INTS12: variants seen among roughly 807,000 people sequenced by gnomAD.
INTS12 encodes the protein PHD finger protein 22.
A neutral mutation model predicts 41.6 loss-of-function variants in INTS12; 13 were observed. The ratio of observed to expected loss-of-function variants is 0.31; its 90% CI spans 0.20 to 0.50. INTS12 has a LOEUF of 0.50. Ranked by LOEUF, INTS12 falls within the 20% of genes least tolerant of loss-of-function variation. INTS12 has a pLI of 0.98. For missense variants in INTS12, 432 were observed against 541.6 expected (o/e 0.80, Z 2.01); for synonymous variants, 199 against 191.4 (o/e 1.04, Z -0.33).
At chr4:105,698,235 C>A (rs759652939) in intron 3 of INTS12, among the ~76,000 whole-genome samples, 7 of 152,118 alleles carry the variant, frequency 4.6e-5, no homozygotes, top group Non-Finnish European at 1.0e-4. Flanking sequence ...GAATATCAAC[C>A]AATATTCATG....
In INTS12 at chr4:105,682,842, G is replaced by T. The variant is rs1407322384; in HGVS notation, c.1280C>A (p.Ser427Tyr). The stretch of plus-strand genomic sequence containing the variant: ...TGGGCCTTTAAGGGATGCTGAGGGA[G>T]AGCTGCTGGATTCTGAAGTAGTTTT... ...TSKTTSESSS[S>Y]PSASLKGPTS... The change falls in exon 8 of 8, where the codon TCT (serine) becomes TAT (tyrosine). Residue 427 changes from serine to tyrosine, a missense_variant. Ser to Tyr is a moderately radical substitution (Grantham distance 144). Transcript: ENST00000340139. 1.1e-5 allele frequency: 17 copies of T among 1,613,998 alleles called. No homozygotes were observed. Among genetic ancestry groups the T allele is most frequent in the Non-Finnish European group, 1.4e-5 (17 of 1,179,956 alleles).
intron 6 of INTS12, among the ~76,000 whole-genome samples, chr4:105,690,077 TGAAGA>T (rs746483049): frequency 5.9e-5 from 9 of 152,254 alleles, no homozygotes; most frequent in Non-Finnish European, 1.3e-4. Flanking sequence ...GTATCCCAGA[TGAAGA>T]GAAGAAGCTG....
chr4:105,707,223 G>T (rs6850604), intron 1 of INTS12, among the ~76,000 whole-genome samples: 4,250 of 151,830 alleles, frequency 0.028, 176 homozygotes, highest in African/African-American at 0.089. Context: ...CAGCTGCTGT[G>T]CCCCTCTCCA....
At chr4:105,693,538 T>C (rs1731761168) in intron 4 of INTS12, 52 bp from the exon 5 acceptor site, 1 of 1,487,956 alleles carries the variant, frequency 6.7e-7, no homozygotes, top group African/African-American at 1.4e-5. Flanking sequence ...AGAATAAACT[T>C]TAAGTCACTG....
At chr4:105,692,190 A>G (rs1288339343) in intron 5 of INTS12, 55 bp from the exon 6 acceptor site, 2 of 1,530,010 alleles carry the variant, frequency 1.3e-6, no homozygotes, top group East Asian at 4.7e-5. Context: ...CATAATTTAA[A>G]GTTATTTCAG....
intron 3 of INTS12, among the ~76,000 whole-genome samples, chr4:105,696,379 C>G (rs190561206): frequency 6.6e-6 from 1 of 152,266 alleles, no homozygotes; most frequent in East Asian, 1.9e-4. Context: ...AAAAATATGT[C>G]TCCCATCATC....
At position 105,686,856 on chromosome 4, in the gene INTS12, T is replaced by C; in HGVS notation, c.658-18A>G. 2 of 1,609,500 alleles carry C rather than the reference T, an allele frequency of 1.2e-6. No homozygotes were observed. The highest frequency in any genetic ancestry group is 8.5e-7 in the Non-Finnish European group (1 of 1,176,688). On this transcript the variant is annotated intron_variant, in intron 6 of 7. Transcript: ENST00000340139. Reference sequence around the variant, plus strand: ...TTTTGAGCCTGCAAAAATCAGTGGATTAAATCAGATACAAAATCTTAACTG... The same window carrying C: ...TTTTGAGCCTGCAAAAATCAGTGGACTAAATCAGATACAAAATCTTAACTG...
chr4:105,686,925 A>ATTTCATTTCAGTG, intron 6 of INTS12, 87 bp from the exon 7 acceptor site: 3 of 1,146,328 alleles, frequency 2.6e-6, no homozygotes, highest in Non-Finnish European at 3.9e-6. Context: ...TCATCACTGA[A>ATTTCATTTCAGTG]ATGAAATACA....
At chr4:105,694,266 C>T (rs938857507) in intron 4 of INTS12, among the ~76,000 whole-genome samples, 2 of 152,044 alleles carry the variant, frequency 1.3e-5, no homozygotes, top group Non-Finnish European at 2.9e-5. Flanking sequence ...ATTTCAAAAG[C>T]ACATAGTTGA....
Sources: allele counts gnomAD v4.1 joint callset (sites outside exome capture counted in the v4.1 genomes callset), GRCh38; gene constraint gnomAD v4.1.1; transcripts MANE v1.5; gene names NCBI Gene and HGNC (gene_info 2026-07-23, HGNC 2026-07-21).